The following PCDHA13 variants were observed in gnomAD, a reference collection of about 807,000 sequenced individuals.
PCDHA13 encodes protocadherin alpha 13.
PCDHA13 carries 54 observed loss-of-function variants against 64.8 expected under a neutral mutation model. That is an observed-to-expected ratio of 0.83 (90% CI 0.67 to 1.04). The LOEUF (loss-of-function observed/expected upper bound fraction) is 1.04. PCDHA13 is among the 50% of genes least tolerant of loss of function. The pLI is 0.00. For synonymous variants in PCDHA13, 587 were observed against 564.4 expected, an observed-to-expected ratio of 1.04 and a Z score of -0.57; for missense variants, 1,248 against 1,254.3, an observed-to-expected ratio of 0.99 and a Z score of 0.08.
intron 3 of PCDHA13, among the ~76,000 whole-genome samples, chr5:141,006,484 A>T (rs1028996250): frequency 9.9e-5 from 15 of 152,130 alleles, no homozygotes; most frequent in Non-Finnish European, 7.4e-5. Flanking sequence ...AAGTGCTGGG[A>T]TTACATGTGT....
In PCDHA13 at chr5:140,884,651, T is replaced by G. The variant is rs2153405863; in HGVS notation, c.2383T>G (p.Cys795Gly). Residue 795 changes from cysteine (C) to glycine (G), a missense_variant, in exon 1 of 4, where the codon TGC becomes GGC. Transcript: ENST00000289272. ...GTGQREEDSE[C>G]LKEPRQPNPD... The stretch of plus-strand genomic sequence containing the variant: ...AGGCCAGAGGGAGGAGGACTCAGAA[T>G]GCTTGAAAGAGGTAAGCTTATATTT... The G allele has an allele frequency of 1.2e-6, 2 of 1,604,404 alleles. No homozygotes were observed. The highest frequency in any genetic ancestry group is 1.7e-6 in the Non-Finnish European group (2 of 1,176,014).
In PCDHA13 at chr5:140,926,182, C is replaced by G. The variant is rs1041630365; in HGVS notation, c.2394+41520C>G. Among the ~76,000 whole-genome samples, 27 of 151,858 alleles carry G rather than the reference C, an allele frequency of 1.8e-4. No individual in the cohort carries two copies. The East Asian group carries it at 2.5e-3, about 14-fold the overall frequency. On this transcript the variant is annotated intron_variant, in intron 1 of 3. Coordinates refer to ENST00000289272, the MANE Select transcript of PCDHA13 (RefSeq NM_018904.3). ...CAGCAGGATCCAGCGCGGAAAGCCC[C>G]CCGCAGCACTTCTTTCGGGGGGCTC...
rs56843453 is a variant in PCDHA13 at position 141,000,391 on chromosome 5, C to A, written c.2543-9236C>A. Reference sequence around the variant, plus strand: ...TCTCTCTCTCTCTCTCTCTCTCTCTCTCTCTATATATATATATATATATAT... The same window carrying A: ...TCTCTCTCTCTCTCTCTCTCTCTCTATCTCTATATATATATATATATATAT... On this transcript the variant is annotated intron_variant, in intron 3 of 3. Transcript: ENST00000289272. Among the ~76,000 whole-genome samples the A allele has an allele frequency of 8.6e-3, 487 of 56,544 alleles. 1 individual carries two copies. Among genetic ancestry groups the A allele is most frequent in the Non-Finnish European group, 9.4e-3 (310 of 32,842 alleles). The allele number at this position is 56,544 out of a possible 152,430, so 37.1% of individuals were successfully genotyped here.
At chr5:140,967,298 G>A in intron 1 of PCDHA13, 1 of 1,612,692 alleles carries the variant, frequency 6.2e-7, no homozygotes, top group Non-Finnish European at 8.5e-7. Flanking sequence ...CCCCGACGTG[G>A]GCGCCAACTC....
intron 1 of PCDHA13, among the ~76,000 whole-genome samples, chr5:140,935,894 CTTTTTTTT>C (rs55841305): frequency 1.5e-5 from 2 of 136,750 alleles, no homozygotes; most frequent in African/African-American, 5.4e-5. Context: ...TCAATATTAT[CTTTTTTTT>C]TTTTTTTTGA....
intron 3 of PCDHA13, among the ~76,000 whole-genome samples, chr5:141,001,681 A>G (rs2153971146): frequency 6.6e-6 from 1 of 151,672 alleles, no homozygotes; most frequent in East Asian, 2.0e-4. Context: ...GGTCCAACAA[A>G]CCCCACAGAT....
chr5:140,884,837 C>A, intron 1 of PCDHA13, 175 bp downstream of exon 1: 4 of 902,438 alleles, frequency 4.4e-6, no homozygotes, highest in Non-Finnish European at 6.3e-6. Flanking sequence ...GATTATCCTT[C>A]AGAGTGAAAT....
intron 1 of PCDHA13, 102 bp from the exon 2 acceptor site, chr5:140,978,847 G>GA: frequency 6.4e-7 from 1 of 1,570,216 alleles, no homozygotes; most frequent in Non-Finnish European, 8.6e-7. Context: ...TACTTTTTTA[G>GA]ATGCCTGGAA....
chr5:140,884,048 G>A lies in PCDHA13; in HGVS notation c.1780G>A (p.Val594Met), dbSNP rs2059957630. The A allele has an allele frequency of 6.2e-7, 1 of 1,613,500 alleles. No homozygotes were observed. The highest frequency in any genetic ancestry group is 1.3e-5 in the African/African-American group (1 of 75,046). ...SVGAGHVVAK[V>M]RAVDADSGYN... ...GGGTGCAGGCCACGTGGTGGCGAAG[G>A]TGCGCGCGGTGGACGCCGATTCGGG... Residue 594 changes from valine to methionine, a missense_variant, in exon 1 of 4, where the codon GTG (valine) becomes ATG (methionine). Coordinates refer to ENST00000289272, the MANE Select transcript of PCDHA13 (RefSeq NM_018904.3).
chr5:141,000,393 CTCTA>C (rs1240848742), intron 3 of PCDHA13, among the ~76,000 whole-genome samples: 128 of 52,788 alleles, frequency 2.4e-3, no homozygotes, highest in Admixed American at 6.8e-3. Context: ...CTCTCTCTCT[CTCTA>C]TATATATATA....
At chr5:140,922,841 A>G (rs982832745) in intron 1 of PCDHA13, among the ~76,000 whole-genome samples, 67 of 152,372 alleles carry the variant, frequency 4.4e-4, no homozygotes, top group African/African-American at 1.5e-3. Flanking sequence ...GATGTCCTCA[A>G]AGAGACCAAA....
At chr5:140,902,367 T>C (rs2153476761) in intron 1 of PCDHA13, among the ~76,000 whole-genome samples, 1 of 152,142 alleles carries the variant, frequency 6.6e-6, no homozygotes, top group Middle Eastern at 3.4e-3. Flanking sequence ...TTCTCTTGTC[T>C]AATTGCTCTA....
At chr5:140,976,203 A>T (rs1301475935) in intron 1 of PCDHA13, among the ~76,000 whole-genome samples, 1 of 152,220 alleles carries the variant, frequency 6.6e-6, no homozygotes, top group East Asian at 1.9e-4. Flanking sequence ...GAAACTCAGA[A>T]GTAAAAAAGA....
At chr5:140,893,137 C>T (rs2153441262) in intron 1 of PCDHA13, among the ~76,000 whole-genome samples, 1 of 152,298 alleles carries the variant, frequency 6.6e-6, no homozygotes, top group South Asian at 2.1e-4. Context: ...TTTCTTTATC[C>T]ACTCATCTGT....
chr5:140,927,769 G>A (rs1471080821), intron 1 of PCDHA13: 4 of 1,614,084 alleles, frequency 2.5e-6, no homozygotes, highest in African/African-American at 2.7e-5. Context: ...AAGTGGGGAG[G>A]TGCAAGTAGC....
In PCDHA13 at chr5:140,981,687, ATCATTCATTCAT is replaced by A. The variant is rs200213847; in HGVS notation, c.2454-771_2454-760del. Among the ~76,000 whole-genome samples the A allele has an allele frequency of 3.0e-3, 453 of 152,088 alleles. 7 individuals are homozygous for A. In the East Asian group the frequency reaches 0.044, roughly 15 times the overall value. Reference sequence around the variant, plus strand: ...CTTCCTTTCTTCCTTCCTCCCTTCCATCATTCATTCATTCATTCATTCATTCATCCAACAAAT... The same window carrying A: ...CTTCCTTTCTTCCTTCCTCCCTTCCATCATTCATTCATTCATCCAACAAAT... On this transcript the variant is annotated intron_variant, in intron 2 of 3. Transcript: ENST00000289272.
Position 140,953,715 on chromosome 5 carries a change from A to T in PCDHA13, c.2395-25234A>T, listed in dbSNP as rs535385036. Among the ~76,000 whole-genome samples the T allele has an allele frequency of 2.6e-5, 4 of 152,312 alleles. No homozygotes were observed. The South Asian group carries it at 6.2e-4, about 24-fold the overall frequency. On this transcript the variant is annotated intron_variant, in intron 1 of 3. Transcript: ENST00000289272. ...TGATCTACTAGACTGAGCTTCAGAC[A>T]TTGTGTTTTGAAATTTTTGCTTAAC...
intron 3 of PCDHA13, among the ~76,000 whole-genome samples, chr5:140,997,372 A>G (rs2097768557): frequency 6.6e-6 from 1 of 152,208 alleles, no homozygotes; most frequent in Non-Finnish European, 1.5e-5. Context: ...CCTAGATGAT[A>G]TAGCATACTA....
At chr5:140,893,381 A>G (rs755671273) in intron 1 of PCDHA13, among the ~76,000 whole-genome samples, 11 of 152,190 alleles carry the variant, frequency 7.2e-5, no homozygotes, top group Non-Finnish European at 1.6e-4. Context: ...TTTATGGGAC[A>G]GTGGCTCATG....
Sources: allele counts gnomAD v4.1 joint callset (sites outside exome capture counted in the v4.1 genomes callset), GRCh38; gene constraint gnomAD v4.1.1; transcripts MANE v1.5; gene names NCBI Gene and HGNC (gene_info 2026-07-23, HGNC 2026-07-21).